The following OSBPL5 variants were observed in gnomAD, a reference collection of about 807,000 sequenced individuals.
The protein encoded by OSBPL5 is oxysterol binding protein like 5.
OSBPL5 carries 71 observed loss-of-function variants against 111.2 expected under a neutral mutation model. The observed-to-expected ratio is 0.64, with a 90% CI of 0.53 to 0.78. The LOEUF is 0.78. Among genes scored for constraint, OSBPL5 ranks in the 30% least tolerant of loss-of-function variants. The probability of loss-of-function intolerance (pLI) is 0.00; values close to 1 mark genes in which losing one functional copy is unlikely to be tolerated. For synonymous variants in OSBPL5, 549 were observed against 513.9 expected, an observed-to-expected ratio of 1.07 and a Z score of -0.93; for missense variants, 1,210 against 1,189.3, an observed-to-expected ratio of 1.02 and a Z score of -0.26.
chr11:3,149,876 G>T (rs1170416050), intron 1 of OSBPL5, among the ~76,000 whole-genome samples: 2 of 152,176 alleles, frequency 1.3e-5, no homozygotes, highest in Admixed American at 1.3e-4. Flanking sequence ...CGAGTGTGAT[G>T]GTGGCCTTGC....
Position 3,129,145 on chromosome 11 carries a change from T to C in OSBPL5, c.4A>G (p.Lys2Glu). ...CGGCGCCGGAGGAAGGCCTCCTCCT[T>C]CATGCTGTGGGCGCTCGGGGGCTTC... MKEEAFLRRRFS... is the reference protein window; with the variant it reads MEEEAFLRRRFS... Residue 2 changes from lysine (K) to glutamate (E), a missense_variant, in exon 2 of 22, where the codon AAG (lysine) becomes GAG (glutamate). Coordinates refer to ENST00000263650, the MANE Select transcript of OSBPL5 (RefSeq NM_020896.4). The C allele has an allele frequency of 6.9e-7, 1 of 1,454,208 alleles. No individual in the cohort carries two copies. Among genetic ancestry groups the C allele is most frequent in the Admixed American group, 2.6e-5 (1 of 38,316 alleles). 90.1% of individuals were successfully genotyped at this position (1,454,208 alleles called of 1,614,324 possible).
At chr11:3,129,960 G>T (rs1362651275) in intron 1 of OSBPL5, among the ~76,000 whole-genome samples, 1 of 152,194 alleles carries the variant, frequency 6.6e-6, no homozygotes, top group Non-Finnish European at 1.5e-5. Context: ...TTCCCCTGTG[G>T]GTTCAGAAGC....
chr11:3,130,415 C>G lies in OSBPL5; in HGVS notation c.-21-1246G>C, dbSNP rs534035708. ...TGGTCCTGGGCTTTGCTGGGGGGGG[C>G]CTCAGACACACAGAGACTTTCCTGC... On this transcript the variant is annotated intron_variant, in intron 1 of 21. Transcript: ENST00000263650. The surrounding 1 kb of genome is among the most constrained non-coding windows in gnomAD (Gnocchi z 4.5). 3.4e-3 allele frequency among the ~76,000 whole-genome samples: 510 copies of G among 151,646 alleles called. 1 individual carries two copies. The highest frequency in any genetic ancestry group is 5.5e-3 in the Non-Finnish European group (372 of 67,770).
rs113874430 is a variant in OSBPL5, at chr11:3,088,066, C to T, written c.*139G>A. Reference sequence around the variant, plus strand: ...CTGGGCCCGCAGCGCCTTGTGGCCCCGGGTCCCTCCTGCGCCTGGACTCCC... The same window carrying T: ...CTGGGCCCGCAGCGCCTTGTGGCCCTGGGTCCCTCCTGCGCCTGGACTCCC... On this transcript the variant is annotated 3_prime_UTR_variant, in exon 22 of 22. Coordinates refer to ENST00000263650, the MANE Select transcript of OSBPL5 (RefSeq NM_020896.4). The T allele has an allele frequency of 3.8e-5, 31 of 811,646 alleles. No homozygotes were observed. The highest frequency in any genetic ancestry group is 4.6e-5 in the Non-Finnish European group (26 of 560,544). The allele number at this position is 811,646 out of a possible 1,614,324, so 50.3% of individuals were successfully genotyped here.
intron 1 of OSBPL5, among the ~76,000 whole-genome samples, chr11:3,143,030 CGG>C (rs139255038): frequency 3.8e-5 from 1 of 26,004 alleles, no homozygotes; most frequent in African/African-American, 1.1e-4. Flanking sequence ...GAGGCAGGTG[CGG>C]GGGGGGGCAG....
At chr11:3,097,226 T>C (rs1000800824) in intron 14 of OSBPL5, among the ~76,000 whole-genome samples, 3 of 150,906 alleles carry the variant, frequency 2.0e-5, no homozygotes, top group African/African-American at 7.3e-5. Flanking sequence ...TGGAAAGTGG[T>C]AGACAGGTCC....
rs1312861479 is a variant in OSBPL5, at chr11:3,121,844, G to A, written c.402+153C>T. The A allele has an allele frequency of 1.5e-6, 1 of 665,294 alleles. No individual in the cohort carries two copies. The highest frequency in any genetic ancestry group is 2.6e-6 in the Non-Finnish European group (1 of 386,544). The allele number at this position is 665,294 out of a possible 1,614,324, so 41.2% of individuals were successfully genotyped here. A position where few individuals can be genotyped will look rare whatever the true frequency, so the allele number is the denominator to read the frequency against. Reference sequence around the variant, plus strand: ...GGGAGAGACAGGTGGATAAGGAAAGGCCTCATGAGGAAGGAGCAGAGGCTG... The same window carrying A: ...GGGAGAGACAGGTGGATAAGGAAAGACCTCATGAGGAAGGAGCAGAGGCTG... On this transcript the variant is annotated intron_variant, in intron 5 of 21. Transcript: ENST00000263650. This position sits in a 1 kb window ranked among gnomAD's most constrained non-coding sequence, Gnocchi z 4.3.
At chr11:3,150,259 G>T (rs1447851106) in intron 1 of OSBPL5, among the ~76,000 whole-genome samples, 1 of 152,144 alleles carries the variant, frequency 6.6e-6, no homozygotes, top group African/African-American at 2.4e-5. Context: ...GTCCCCGGGG[G>T]GAGCAGACGG....
intron 12 of OSBPL5, among the ~76,000 whole-genome samples, 179 bp from the exon 13 acceptor site, chr11:3,101,878 C>T (rs1463303611): frequency 2.0e-5 from 3 of 152,196 alleles, no homozygotes; most frequent in Non-Finnish European, 2.9e-5. Context: ...GCAGGTAGGC[C>T]TCAGCTGTGG....
intron 3 of OSBPL5, among the ~76,000 whole-genome samples, chr11:3,123,574 G>A (rs1041723742): frequency 6.6e-5 from 10 of 152,214 alleles, no homozygotes; most frequent in Non-Finnish European, 1.0e-4. Context: ...AAGCGTGCCC[G>A]CCCTGCCCTG....
rs949517405 is a variant in OSBPL5, at chr11:3,110,309, G to A, written c.692-2364C>T. 6.6e-6 allele frequency among the ~76,000 whole-genome samples: 1 copy of A among 152,210 alleles called. No homozygotes were observed. The highest frequency in any genetic ancestry group is 6.5e-5 in the Admixed American group (1 of 15,288). ...ATTTACCCAGAGCAGCCACTGGAGG[G>A]CGAGGTGGGGTAGGGCCCCAACCTC... On this transcript the variant is annotated intron_variant, in intron 7 of 21. Coordinates refer to ENST00000263650, the MANE Select transcript of OSBPL5 (RefSeq NM_020896.4). The surrounding 1 kb of genome is among the most constrained non-coding windows in gnomAD (Gnocchi z 5.3).
rs1857650600 is a variant in OSBPL5, at chr11:3,105,170, C to G, written c.1060-793G>C. Among the ~76,000 whole-genome samples the G allele has an allele frequency of 6.6e-6, 1 of 152,206 alleles. No homozygotes were observed. Among genetic ancestry groups the G allele is most frequent in the Admixed American group, 6.5e-5 (1 of 15,286 alleles). On this transcript the variant is annotated intron_variant, in intron 9 of 21. Transcript: ENST00000263650. This position sits in a 1 kb window ranked among gnomAD's most constrained non-coding sequence, Gnocchi z 5.2. ...AGGGGACAAGTGACTTGTCCAAGGT[C>G]ACACGGCTGCTATGCGGCAGAGGTC...
chr11:3,089,962 G>A lies in OSBPL5; in HGVS notation c.2399-14C>T, dbSNP rs750208785. On this transcript the variant is annotated splice_polypyrimidine_tract_variant and intron_variant, in intron 20 of 21. Transcript: ENST00000263650. ...GGCTCTCACCGCCTGGGACGGCCCC[G>A]AGTGAGACAAAGGAGGGGAGGGGAG... 10 of 1,519,380 alleles carry A rather than the reference G, an allele frequency of 6.6e-6. No individual in the cohort carries two copies. Among genetic ancestry groups the A allele is most frequent in the African/African-American group, 1.4e-5 (1 of 72,672 alleles). 94.1% of individuals were successfully genotyped at this position (1,519,380 alleles called of 1,614,324 possible). A position where few individuals can be genotyped will look rare whatever the true frequency, so the allele number is the denominator to read the frequency against.
At position 3,113,704 on chromosome 11, in the gene OSBPL5, T is replaced by C. The variant is rs1858094391; in HGVS notation, c.692-5759A>G. On this transcript the variant is annotated intron_variant, in intron 7 of 21. Coordinates refer to ENST00000263650, the MANE Select transcript of OSBPL5 (RefSeq NM_020896.4). This position sits in a 1 kb window ranked among gnomAD's most constrained non-coding sequence, Gnocchi z 4.8. ...TTAATAAAAATAGCTACATCTTAAA[T>C]TTAGTAAGATTACCATAACTTCTAA... 6.6e-6 allele frequency among the ~76,000 whole-genome samples: 1 copy of C among 152,126 alleles called. No homozygotes were observed. The highest frequency in any genetic ancestry group is 2.1e-4 in the South Asian group (1 of 4,828).
intron 11 of OSBPL5, among the ~76,000 whole-genome samples, chr11:3,102,803 C>T (rs1003045223): frequency 7.9e-5 from 12 of 152,182 alleles, no homozygotes; most frequent in Non-Finnish European, 1.0e-4. Flanking sequence ...CTCACTACAA[C>T]GAGAGCAGCC....
intron 3 of OSBPL5, among the ~76,000 whole-genome samples, chr11:3,124,694 G>A (rs998497315): frequency 7.2e-5 from 11 of 152,288 alleles, no homozygotes; most frequent in East Asian, 5.8e-4. Flanking sequence ...CCACGCAGCC[G>A]TTTCTGTGGT....
In OSBPL5 at chr11:3,130,472, G is replaced by A. The variant is rs1858787952; in HGVS notation, c.-21-1303C>T. 6.6e-6 allele frequency among the ~76,000 whole-genome samples: 1 copy of A among 152,194 alleles called. No homozygotes were observed. On this transcript the variant is annotated intron_variant, in intron 1 of 21. Transcript: ENST00000263650. The surrounding 1 kb of genome is among the most constrained non-coding windows in gnomAD (Gnocchi z 4.5). ...TTCAGGAGTGGGCTGGGGGCCCAGG[G>A]TGTCTGTGGTCCTGGGGGCTTCTGT... is the stretch of plus-strand genomic sequence containing the variant.
At chr11:3,093,146 A>G (rs1420613392) in intron 17 of OSBPL5, 94 bp from the exon 18 acceptor site, 3 of 1,297,932 alleles carry the variant, frequency 2.3e-6, no homozygotes, top group Non-Finnish European at 3.1e-6. Flanking sequence ...GAAGGAAGGC[A>G]CAGAGCAACC....
At position 3,154,833 on chromosome 11, in the gene OSBPL5, TG is replaced by T. The variant is rs1201189760; in HGVS notation, c.-22+10382del. Among the ~76,000 whole-genome samples, 3 of 152,018 alleles carry T rather than the reference TG, an allele frequency of 2.0e-5. No homozygotes were observed. Among genetic ancestry groups the T allele is most frequent in the African/African-American group, 7.3e-5 (3 of 41,376 alleles). ...CTAATGTAAATGACGAGTTAATGGGTGCGGCACACCAACATGGCACATGTAT... is the reference window on the plus strand; with the variant it reads ...CTAATGTAAATGACGAGTTAATGGGTCGGCACACCAACATGGCACATGTAT... On this transcript the variant is annotated intron_variant, in intron 1 of 21. Transcript: ENST00000263650. This position sits in a 1 kb window ranked among gnomAD's most constrained non-coding sequence, Gnocchi z 4.9.
Sources: gnomAD v4.1 joint callset for allele counts (sites outside exome capture counted in the v4.1 genomes callset) on GRCh38, gnomAD v4.1.1 for gene constraint, Gnocchi (gnomAD v3.1) non-coding constraint, MANE v1.5 for transcripts, NCBI Gene and HGNC (gene_info 2026-07-23, HGNC 2026-07-21) for gene names.